PCOLCE: variants seen among roughly 807,000 people sequenced by gnomAD.
PCOLCE encodes the protein procollagen C-endopeptidase enhancer 1.
Under a neutral mutation model 47.2 loss-of-function variants are expected in PCOLCE, and 33 were observed. The ratio of observed to expected loss-of-function variants is 0.70; its 90% confidence interval spans 0.53 to 0.93. PCOLCE has a LOEUF of 0.93. Ranked by LOEUF, PCOLCE falls within the 40% of genes least tolerant of loss-of-function variation. The pLI is 0.00. For missense variants in PCOLCE, 584 were observed against 585.3 expected (o/e 1.00, Z 0.02); for synonymous variants, 254 against 252.5 (o/e 1.01, Z -0.06).
Position 100,604,959 on chromosome 7 carries a change from C to T in PCOLCE, c.464-132C>T, listed in dbSNP as rs1584441076. The T allele has an allele frequency of 4.8e-6, 3 of 625,200 alleles. No homozygotes were observed. The highest frequency in any genetic ancestry group is 8.5e-6 in the Non-Finnish European group (3 of 352,220). The allele number at this position is 625,200 out of a possible 1,614,324, so 38.7% of individuals were successfully genotyped here. On this transcript the variant is annotated intron_variant, in intron 3 of 8. Coordinates refer to ENST00000223061, the MANE Select transcript of PCOLCE (RefSeq NM_002593.4). The surrounding 1 kb of genome is among the most constrained non-coding windows in gnomAD (Gnocchi z 6.4). ...GTTAACCTGCCCCCATCTTACCTCC[C>T]CTTCTTCTCGTCCCCTCATCCTGAG...
Position 100,604,142 on chromosome 7 carries a change from A to C in PCOLCE, c.388A>C (p.Arg130=), listed in dbSNP as rs1802666373. Reference sequence around the variant, plus strand: ...CGCCCCCGGCAACCAGGTGACCCTGAGGATGACGACGGATGAGGGCACAGG... The same window carrying C: ...CGCCCCCGGCAACCAGGTGACCCTGCGGATGACGACGGATGAGGGCACAGG... The part of the protein sequence containing the change: ...LVAPGNQVTL[R]MTTDEGTGGR... Residue 130 remains arginine, a synonymous_variant, in exon 3 of 9, where the codon AGG becomes CGG. Coordinates refer to ENST00000223061, the MANE Select transcript of PCOLCE (RefSeq NM_002593.4). The surrounding 1 kb of genome is among the most constrained non-coding windows in gnomAD (Gnocchi z 6.4). The C allele has an allele frequency of 6.2e-7, 1 of 1,613,052 alleles. No individual in the cohort carries two copies. The highest frequency in any genetic ancestry group is 1.1e-5 in the South Asian group (1 of 91,078).
Position 100,605,929 on chromosome 7 carries a change from C to A in PCOLCE, c.725+117C>A, listed in dbSNP as rs567827772. 3 of 1,193,512 alleles carry A rather than the reference C, an allele frequency of 2.5e-6. No homozygotes were observed. In the African/African-American group the frequency reaches 4.6e-5, roughly 18 times the overall value. The allele number at this position is 1,193,512 out of a possible 1,614,324, so 73.9% of individuals were successfully genotyped here. A position where few individuals can be genotyped will look rare whatever the true frequency, so the allele number is the denominator to read the frequency against. On this transcript the variant is annotated intron_variant, in intron 5 of 8. Transcript: ENST00000223061. The surrounding 1 kb of genome is among the most constrained non-coding windows in gnomAD (Gnocchi z 6.1). ...GGATCTGAACCCCAGGGCTCCAAAC[C>A]GGCGAGGGGAGCAGGTTGGAGGCCA...
In PCOLCE at chr7:100,604,035, C is replaced by G. The variant is rs946335844; in HGVS notation, c.281C>G (p.Ala94Gly). The G allele has an allele frequency of 1.0e-5, 16 of 1,607,274 alleles. No homozygotes were observed. The highest frequency in any genetic ancestry group is 1.2e-5 in the Non-Finnish European group (14 of 1,179,986). The change falls in exon 3 of 9, where the codon GCT (alanine) becomes GGT (glycine). Residue 94 changes from alanine to glycine, a missense_variant. Physicochemically the swap from Ala to Gly is moderately conservative, Grantham distance 60 (BLOSUM62 0). Coordinates refer to ENST00000223061, the MANE Select transcript of PCOLCE (RefSeq NM_002593.4). The surrounding 1 kb of genome is among the most constrained non-coding windows in gnomAD (Gnocchi z 6.4). ...CTGCACCCCGCCTGCCGCTACGATG[C>G]TCTGGAGGTCTTCGCTGGGTCTGGG... ...LELHPACRYD[A>G]LEVFAGSGTS...
chr7:100,603,725 A>T (rs1802655849), intron 2 of PCOLCE, 187 bp downstream of exon 2: 1 of 609,764 alleles, frequency 1.6e-6, no homozygotes. Context: ...CCTTCCCTCA[A>T]ATCTTCATTC....
chr7:100,605,516 T>G lies in PCOLCE; in HGVS notation c.589-160T>G. The stretch of plus-strand genomic sequence containing the variant: ...CGACACCCCTGCAGGGTCCCATGGG[T>G]GTGTGTGGTCCTCCGTGCTGTGGTG... On this transcript the variant is annotated intron_variant, in intron 4 of 8. Coordinates refer to ENST00000223061, the MANE Select transcript of PCOLCE (RefSeq NM_002593.4). The surrounding 1 kb of genome is among the most constrained non-coding windows in gnomAD (Gnocchi z 6.1). The G allele has an allele frequency of 1.2e-6, 1 of 841,524 alleles. No individual in the cohort carries two copies. The highest frequency in any genetic ancestry group is 1.7e-5 in the African/African-American group (1 of 58,228). 52.1% of individuals were successfully genotyped at this position (841,524 alleles called of 1,614,324 possible). A position where few individuals can be genotyped will look rare whatever the true frequency, so the allele number is the denominator to read the frequency against.
In PCOLCE at chr7:100,602,393, G is replaced by A; in HGVS notation, c.-64G>A. The A allele has an allele frequency of 9.3e-7, 1 of 1,079,648 alleles. No homozygotes were observed. The highest frequency in any genetic ancestry group is 1.4e-6 in the Non-Finnish European group (1 of 699,502). 66.9% of individuals were successfully genotyped at this position (1,079,648 alleles called of 1,614,324 possible). A position where few individuals can be genotyped will look rare whatever the true frequency, so the allele number is the denominator to read the frequency against. ...TCCTGCTGCTGCCGCCACCGCTGCT[G>A]CTGCTCTGCAAAATTCAGCTGCTGC... On this transcript the variant is annotated 5_prime_UTR_variant, in exon 1 of 9. Transcript: ENST00000223061.
In PCOLCE at chr7:100,607,738, C is replaced by A. The variant is rs1029888576; in HGVS notation, c.1114C>A (p.Pro372Thr). 6.2e-7 allele frequency: 1 copy of A among 1,613,892 alleles called. No homozygotes were observed. Among genetic ancestry groups the A allele is most frequent in the African/African-American group, 1.3e-5 (1 of 74,890 alleles). ...TTATAAAACTGGAGGACTGGACCTGCCTTCTCCACCCACTGGTGCCTCCCT... is the reference window on the plus strand; with the variant it reads ...TTATAAAACTGGAGGACTGGACCTGACTTCTCCACCCACTGGTGCCTCCCT... ...GAYKTGGLDL[P>T]SPPTGASLKF... Residue 372 changes from proline (P) to threonine (T), a missense_variant, in exon 8 of 9, where the codon CCT becomes ACT. Physicochemically the swap from Pro to Thr is conservative, Grantham distance 38 (BLOSUM62 -1). Transcript: ENST00000223061.
Position 100,605,082 on chromosome 7 carries a change from C to T in PCOLCE, c.464-9C>T. The T allele has an allele frequency of 6.2e-7, 1 of 1,606,918 alleles. No homozygotes were observed. Among genetic ancestry groups the T allele is most frequent in the East Asian group, 2.2e-5 (1 of 44,808 alleles). ...GCCCCCCACCCCCGCTCCTCTCTCC[C>T]CTCCCCAGAGCACCAATTTTGCGGG... On this transcript the variant is annotated splice_polypyrimidine_tract_variant and intron_variant, in intron 3 of 8. Transcript: ENST00000223061. This position sits in a 1 kb window ranked among gnomAD's most constrained non-coding sequence, Gnocchi z 6.1.
chr7:100,603,793 C>G, intron 2 of PCOLCE, 166 bp from the exon 3 acceptor site: 1 of 735,338 alleles, frequency 1.4e-6, no homozygotes. Flanking sequence ...CCTGCACAGG[C>G]TACCAGCAGA....
At position 100,605,264 on chromosome 7, in the gene PCOLCE, TC is replaced by T. The variant is rs1802694132; in HGVS notation, c.588+51del. 1 of 1,567,040 alleles carries T rather than the reference TC, an allele frequency of 6.4e-7. No homozygotes were observed. Among genetic ancestry groups the T allele is most frequent in the African/African-American group, 1.4e-5 (1 of 73,856 alleles). On this transcript the variant is annotated intron_variant, in intron 4 of 8. Transcript: ENST00000223061. The surrounding 1 kb of genome is among the most constrained non-coding windows in gnomAD (Gnocchi z 6.1). ...GCCCTAGGGGACCCAGGCGGCGCCC[TC>T]CAGCTTGCAGCCAGCAGAGATTTAT...
chr7:100,604,439 G>T lies in PCOLCE; in HGVS notation c.463+222G>T, dbSNP rs1190555066. The T allele has an allele frequency of 1.6e-6, 1 of 625,012 alleles. No homozygotes were observed. The highest frequency in any genetic ancestry group is 2.8e-6 in the Non-Finnish European group (1 of 351,662). The allele number at this position is 625,012 out of a possible 1,614,324, so 38.7% of individuals were successfully genotyped here. On this transcript the variant is annotated intron_variant, in intron 3 of 8. Transcript: ENST00000223061. The surrounding 1 kb of genome is among the most constrained non-coding windows in gnomAD (Gnocchi z 6.4). ...CATCCCTCTTCCAGGGCCCCCCCCA[G>T]GCGCGAGGCGGAAATGGGTCACCGA...
intron 1 of PCOLCE, chr7:100,603,036 C>A: frequency 8.2e-6 from 2 of 243,004 alleles, no homozygotes; most frequent in South Asian, 7.2e-5. Flanking sequence ...CTCCATCTCT[C>A]CACCCCCTCC....
chr7:100,606,704 G>A, intron 6 of PCOLCE, 74 bp downstream of exon 6: 2 of 1,144,338 alleles, frequency 1.7e-6, no homozygotes, highest in South Asian at 3.0e-5. Flanking sequence ...CCTGGGCTGT[G>A]GCTCACACCT....
rs777264797 is a variant in PCOLCE, at chr7:100,607,478, C to T, written c.967C>T (p.Arg323Cys). The change falls in exon 7 of 9, where the codon CGC becomes TGC. Residue 323 changes from arginine (R) to cysteine (C), a missense_variant. Coordinates refer to ENST00000223061, the MANE Select transcript of PCOLCE (RefSeq NM_002593.4). Reference sequence around the variant, plus strand: ...TGCACCCACCTGCCCAAAGCAGTGCCGCCGGACAGGCACCTTGCAGAGCAA... The same window carrying T: ...TGCACCCACCTGCCCAAAGCAGTGCTGCCGGACAGGCACCTTGCAGAGCAA... ...PDAPTCPKQC[R>C]RTGTLQSNFC... 28 of 1,613,990 alleles carry T rather than the reference C, an allele frequency of 1.7e-5. No homozygotes were observed. The highest frequency in any genetic ancestry group is 1.2e-4 in the African/African-American group (9 of 74,890).
Position 100,605,290 on chromosome 7 carries a change from T to C in PCOLCE, c.588+75T>C. ...CCAGCTTGCAGCCAGCAGAGATTTA[T>C]TGAAGATCTGCTGTGTCCCGAGCAC... On this transcript the variant is annotated intron_variant, in intron 4 of 8. Transcript: ENST00000223061. The surrounding 1 kb of genome is among the most constrained non-coding windows in gnomAD (Gnocchi z 6.1). The C allele has an allele frequency of 3.4e-6, 5 of 1,455,534 alleles. No homozygotes were observed. Among genetic ancestry groups the C allele is most frequent in the East Asian group, 2.4e-5 (1 of 41,674 alleles). The allele number at this position is 1,455,534 out of a possible 1,614,324, so 90.2% of individuals were successfully genotyped here. A position where few individuals can be genotyped will look rare whatever the true frequency, so the allele number is the denominator to read the frequency against.
chr7:100,605,515 G>A lies in PCOLCE; in HGVS notation c.589-161G>A. 3 of 850,368 alleles carry A rather than the reference G, an allele frequency of 3.5e-6. No individual in the cohort carries two copies. The highest frequency in any genetic ancestry group is 5.4e-6 in the Non-Finnish European group (3 of 556,610). 52.7% of individuals were successfully genotyped at this position (850,368 alleles called of 1,614,324 possible). A position where few individuals can be genotyped will look rare whatever the true frequency, so the allele number is the denominator to read the frequency against. ...CCGACACCCCTGCAGGGTCCCATGGGTGTGTGTGGTCCTCCGTGCTGTGGT... is the reference window on the plus strand; with the variant it reads ...CCGACACCCCTGCAGGGTCCCATGGATGTGTGTGGTCCTCCGTGCTGTGGT... On this transcript the variant is annotated intron_variant, in intron 4 of 8. Coordinates refer to ENST00000223061, the MANE Select transcript of PCOLCE (RefSeq NM_002593.4). This position sits in a 1 kb window ranked among gnomAD's most constrained non-coding sequence, Gnocchi z 6.1.
Position 100,607,937 on chromosome 7 carries a change from G to A in PCOLCE, c.1184G>A (p.Gly395Glu). Residue 395 changes from glycine (G) to glutamate (E), a missense_variant and splice_region_variant, in exon 9 of 9, where the codon GGA becomes GAA. By Grantham distance (98) the Gly-to-Glu change is moderately conservative (BLOSUM62 -2). Coordinates refer to ENST00000223061, the MANE Select transcript of PCOLCE (RefSeq NM_002593.4). ...PCKQCPPMKK[G>E]VSYLLMGQVE... ...CTCAACCCCTCCCTCCTTCTTCCAG[G>A]AGTCAGTTATCTGCTGATGGGCCAG... 2 of 1,614,086 alleles carry A rather than the reference G, an allele frequency of 1.2e-6. No individual in the cohort carries two copies. The highest frequency in any genetic ancestry group is 1.7e-6 in the Non-Finnish European group (2 of 1,179,990).
At position 100,605,092 on chromosome 7, in the gene PCOLCE, G is replaced by A; in HGVS notation, c.465G>A (p.Glu155=). ...WYSGRATSGT[E]HQFCGGRLEK... ...CCCGCTCCTCTCTCCCCTCCCCAGA[G>A]CACCAATTTTGCGGGGGGCGGCTGG... Residue 155 remains glutamate (E), a splice_region_variant and synonymous_variant, in exon 4 of 9, where the codon GAG becomes GAA. Coordinates refer to ENST00000223061, the MANE Select transcript of PCOLCE (RefSeq NM_002593.4). This position sits in a 1 kb window ranked among gnomAD's most constrained non-coding sequence, Gnocchi z 6.1. 3.1e-6 allele frequency: 5 copies of A among 1,610,826 alleles called. No homozygotes were observed. Among genetic ancestry groups the A allele is most frequent in the Non-Finnish European group, 4.2e-6 (5 of 1,178,410 alleles).
At position 100,605,112 on chromosome 7, in the gene PCOLCE, G is replaced by A. The variant is rs1325212037; in HGVS notation, c.485G>A (p.Arg162Gln). The A allele has an allele frequency of 1.2e-6, 2 of 1,612,026 alleles. No individual in the cohort carries two copies. The highest frequency in any genetic ancestry group is 1.3e-5 in the African/African-American group (1 of 74,872). Reference sequence around the variant, plus strand: ...CCAGAGCACCAATTTTGCGGGGGGCGGCTGGAGAAGGCCCAGGGAACCCTG... The same window carrying A: ...CCAGAGCACCAATTTTGCGGGGGGCAGCTGGAGAAGGCCCAGGGAACCCTG... ...SGTEHQFCGG[R>Q]LEKAQGTLTT... The change falls in exon 4 of 9, where the codon CGG becomes CAG. Residue 162 changes from arginine to glutamine, a missense_variant. Arg to Gln is a conservative substitution (Grantham distance 43, BLOSUM62 1). Coordinates refer to ENST00000223061, the MANE Select transcript of PCOLCE (RefSeq NM_002593.4). This position sits in a 1 kb window ranked among gnomAD's most constrained non-coding sequence, Gnocchi z 6.1.
Sources: allele counts gnomAD v4.1 joint callset, GRCh38; gene constraint gnomAD v4.1.1; non-coding constraint Gnocchi (gnomAD v3.1); transcripts MANE v1.5; gene names NCBI Gene and HGNC (gene_info 2026-07-23, HGNC 2026-07-21).